The following CLASP1 variants were observed in gnomAD, a reference collection of about 807,000 sequenced individuals.
The protein encoded by CLASP1 is cytoplasmic linker associated protein 1.
In CLASP1, 38 loss-of-function variants were observed where a neutral mutation model predicts 192.3. The ratio of observed to expected loss-of-function variants is 0.20; its 90% CI spans 0.15 to 0.26. CLASP1 has a LOEUF of 0.26. Ranked by LOEUF, CLASP1 falls within the 10% of genes least tolerant of loss-of-function variation. The pLI is 1.00. For synonymous variants in CLASP1, 691 were observed against 712.8 expected (o/e 0.97, Z 0.49); for missense variants, 1,433 against 1,932.5 (o/e 0.74, Z 4.85).
At chr2:121,371,155 T>C (rs2068594621) in intron 34 of CLASP1, among the ~76,000 whole-genome samples, 1 of 152,148 alleles carries the variant, frequency 6.6e-6, no homozygotes, top group African/African-American at 2.4e-5. Context: ...AGATGGTGAT[T>C]TCTTCTTTTT....
chr2:121,534,180 GA>G (rs2104877850), intron 2 of CLASP1, among the ~76,000 whole-genome samples: 1 of 152,344 alleles, frequency 6.6e-6, no homozygotes, highest in African/African-American at 2.4e-5. Flanking sequence ...AGGGCACAGA[GA>G]ATCACTTTTA....
At chr2:121,454,506 G>A (rs1030797647) in intron 14 of CLASP1, among the ~76,000 whole-genome samples, 7 of 152,002 alleles carry the variant, frequency 4.6e-5, no homozygotes, top group African/African-American at 1.7e-4. Context: ...TAATCGTCTT[G>A]GGCCACAAAT....
intron 2 of CLASP1, among the ~76,000 whole-genome samples, chr2:121,575,270 C>G (rs971162382): frequency 7.2e-5 from 11 of 151,860 alleles, no homozygotes; most frequent in African/African-American, 2.4e-4. Flanking sequence ...CCACCATGCC[C>G]GGCTAATTTT....
At chr2:121,504,482 C>T (rs2093876308) in intron 7 of CLASP1, among the ~76,000 whole-genome samples, 1 of 152,162 alleles carries the variant, frequency 6.6e-6, no homozygotes, top group East Asian at 1.9e-4. Context: ...ACTATGTATG[C>T]CATGCAGACA....
intron 2 of CLASP1, among the ~76,000 whole-genome samples, chr2:121,573,807 A>G (rs1348628212): frequency 6.6e-6 from 1 of 152,194 alleles, no homozygotes; most frequent in Non-Finnish European, 1.5e-5. Flanking sequence ...ATCTATGATT[A>G]CCTCAACTTT....
Position 121,494,414 on chromosome 2 carries a change from G to T in CLASP1, c.712+8753C>A, listed in dbSNP as rs370343974. ...AAATTAAAACAACTGAACTTATGGAGATAGGGAGTAGAATACCAGTTACCA... is the reference window on the plus strand; with the variant it reads ...AAATTAAAACAACTGAACTTATGGATATAGGGAGTAGAATACCAGTTACCA... On this transcript the variant is annotated intron_variant, in intron 8 of 39. Coordinates refer to ENST00000263710, the Ensembl canonical transcript of CLASP1. 4.6e-5 allele frequency among the ~76,000 whole-genome samples: 7 copies of T among 152,276 alleles called. No individual in the cohort carries two copies. The East Asian group carries it at 1.2e-3, about 25-fold the overall frequency.
intron 7 of CLASP1, among the ~76,000 whole-genome samples, chr2:121,514,653 C>A (rs778953543): frequency 8.5e-5 from 13 of 152,206 alleles, no homozygotes; most frequent in Non-Finnish European, 1.8e-4. Context: ...CACAAGGAAG[C>A]ACAGTCCACT....
At chr2:121,387,495 T>C (rs2073500632) in intron 31 of CLASP1, among the ~76,000 whole-genome samples, 2 of 152,116 alleles carry the variant, frequency 1.3e-5, no homozygotes, top group African/African-American at 2.4e-5. Context: ...CTTTCCAGTG[T>C]TGAAAAATAA....
At chr2:121,528,565 A>G in intron 4 of CLASP1, 112 bp downstream of exon 4, 3 of 791,936 alleles carry the variant, frequency 3.8e-6, no homozygotes, top group Non-Finnish European at 6.6e-6. Flanking sequence ...TCTGTAATAC[A>G]TCAGCTTAAG....
At chr2:121,529,198 G>A (rs2094675215) in intron 3 of CLASP1, among the ~76,000 whole-genome samples, 1 of 152,148 alleles carries the variant, frequency 6.6e-6, no homozygotes, top group African/African-American at 2.4e-5. Flanking sequence ...CATCACTATT[G>A]TGTATTTTTA....
chr2:121,547,758 T>C (rs1454867559), intron 2 of CLASP1, among the ~76,000 whole-genome samples: 1 of 151,880 alleles, frequency 6.6e-6, no homozygotes, highest in Non-Finnish European at 1.5e-5. Context: ...AGCAAGAGTG[T>C]ACCATGACCA....
chr2:121,586,055 T>G (rs1381006779), intron 2 of CLASP1, among the ~76,000 whole-genome samples: 1 of 152,174 alleles, frequency 6.6e-6, no homozygotes, highest in Non-Finnish European at 1.5e-5. Context: ...ATAACAGACA[T>G]GGGCAGAAAG....
At chr2:121,455,150 C>T (rs960218563) in intron 14 of CLASP1, among the ~76,000 whole-genome samples, 4 of 152,194 alleles carry the variant, frequency 2.6e-5, no homozygotes, top group East Asian at 1.9e-4. Flanking sequence ...CCCTGGGGTA[C>T]GCACTTGAGC....
chr2:121,508,309 T>TA (rs1004082261), intron 7 of CLASP1, among the ~76,000 whole-genome samples: 23 of 152,278 alleles, frequency 1.5e-4, no homozygotes, highest in African/African-American at 5.5e-4. Context: ...CTAGACTGTT[T>TA]AAAGTTAAGA....
chr2:121,518,139 G>C (rs2094362387), intron 6 of CLASP1, among the ~76,000 whole-genome samples: 1 of 147,278 alleles, frequency 6.8e-6, no homozygotes, highest in South Asian at 2.1e-4. Context: ...GCTGAGGTAG[G>C]AGAATCACTT....
intron 19 of CLASP1, among the ~76,000 whole-genome samples, chr2:121,446,537 T>C (rs1344417042): frequency 6.6e-6 from 1 of 152,244 alleles, no homozygotes; most frequent in Non-Finnish European, 1.5e-5. Context: ...ATTTTATTCA[T>C]TTCCTTAAAA....
At chr2:121,537,967 A>T (rs563490810) in intron 2 of CLASP1, among the ~76,000 whole-genome samples, 2 of 152,346 alleles carry the variant, frequency 1.3e-5, no homozygotes, top group East Asian at 3.9e-4. Context: ...TTCATAAAGG[A>T]TATATTTTTT....
intron 1 of CLASP1, among the ~76,000 whole-genome samples, chr2:121,607,108 G>A (rs954572813): frequency 1.5e-4 from 22 of 151,160 alleles, no homozygotes; most frequent in Admixed American, 1.1e-3. Flanking sequence ...TTGGGAGGCC[G>A]AGGTGGGCGG....
intron 21 of CLASP1, 85 bp from the exon 22 acceptor site, chr2:121,425,391 T>C (rs1262217793): frequency 4.3e-5 from 51 of 1,183,160 alleles, no homozygotes; most frequent in Admixed American, 8.3e-5. Flanking sequence ...ATTTTACACA[T>C]TAATTTGGCT....
Sources: allele counts gnomAD v4.1 joint callset (sites outside exome capture counted in the v4.1 genomes callset), GRCh38; gene constraint gnomAD v4.1.1; transcripts MANE v1.5; gene names NCBI Gene and HGNC (gene_info 2026-07-23, HGNC 2026-07-21).